Variants in ARHGEF12 observed in about 807,000 individuals in gnomAD.
The protein encoded by ARHGEF12 is KMT2A/ARHGEF12 fusion protein.
ARHGEF12 carries 66 observed loss-of-function variants against 211.2 expected under a neutral mutation model. That is an observed-to-expected ratio of 0.31 (90% CI 0.26 to 0.38). The LOEUF (loss-of-function observed/expected upper bound fraction) is 0.38. Among genes scored for constraint, ARHGEF12 ranks in the 10% least tolerant of loss-of-function variants. ARHGEF12 has a pLI of 1.00. For missense variants in ARHGEF12, 1,429 were observed against 1,869.5 expected, an observed-to-expected ratio of 0.76 and a Z score of 4.34; for synonymous variants, 592 against 638.4, an observed-to-expected ratio of 0.93 and a Z score of 1.09.
At chr11:120,469,503 C>T (rs1946805365) in intron 30 of ARHGEF12, 115 bp downstream of exon 30, 1 of 841,576 alleles carries the variant, frequency 1.2e-6, no homozygotes, top group African/African-American at 1.7e-5. Context: ...ACAGGGAGAA[C>T]ATTTGTTTAC....
Position 120,420,733 on chromosome 11 carries a change from A to T in ARHGEF12, c.200-20A>T, listed in dbSNP as rs1945159474. ...TCTGTTTTCTCTTCCTTCTTGTTTT[A>T]CACTGTGGTTCTTGTGCAGGTCTTG... On this transcript the variant is annotated intron_variant, in intron 4 of 40. Coordinates refer to ENST00000397843, the MANE Select transcript of ARHGEF12 (RefSeq NM_015313.3). 1 of 1,599,364 alleles carries T rather than the reference A, an allele frequency of 6.3e-7. No individual in the cohort carries two copies. The highest frequency in any genetic ancestry group is 1.3e-5 in the African/African-American group (1 of 74,610).
At position 120,480,036 on chromosome 11, in the gene ARHGEF12, C is replaced by T; in HGVS notation, c.3843C>T (p.Phe1281=). Residue 1281 remains phenylalanine, a synonymous_variant, in exon 38 of 41, where the codon TTC becomes TTT. Coordinates refer to ENST00000397843, the MANE Select transcript of ARHGEF12 (RefSeq NM_015313.3). ...GCGTTCAGGAAGACTGGCAACATTT[C>T]CCAAGATACAGAACAGCCTCTCAGG... ...EKSVQEDWQH[F]PRYRTASQGP... is the part of the protein sequence containing the mutation. 6.2e-7 allele frequency: 1 copy of T among 1,614,140 alleles called. No homozygotes were observed. Among genetic ancestry groups the T allele is most frequent in the Non-Finnish European group, 8.5e-7 (1 of 1,180,028 alleles).
At chr11:120,434,380 C>T (rs1000243184) in intron 11 of ARHGEF12, among the ~76,000 whole-genome samples, 8 of 152,144 alleles carry the variant, frequency 5.3e-5, no homozygotes, top group South Asian at 2.1e-4. Flanking sequence ...TGTGGAAATC[C>T]GAGTGAGAAA....
intron 22 of ARHGEF12, among the ~76,000 whole-genome samples, chr11:120,453,843 G>C (rs1946283202): frequency 6.6e-6 from 1 of 152,202 alleles, no homozygotes; most frequent in African/African-American, 2.4e-5. Flanking sequence ...TTTGGGCTCA[G>C]AGTTAGCATA....
intron 1 of ARHGEF12, among the ~76,000 whole-genome samples, chr11:120,386,368 A>C (rs755679975): frequency 6.6e-6 from 1 of 152,162 alleles, no homozygotes; most frequent in Non-Finnish European, 1.5e-5. Context: ...AATTTATGAC[A>C]TTAAAAAGCA....
intron 7 of ARHGEF12, 57 bp from the exon 8 acceptor site, chr11:120,428,012 G>T (rs1275986916): frequency 1.4e-6 from 2 of 1,429,090 alleles, no homozygotes; most frequent in Non-Finnish European, 1.9e-6. Flanking sequence ...GGTATAAAAA[G>T]TTTCTTGACA....
intron 7 of ARHGEF12, among the ~76,000 whole-genome samples, chr11:120,427,573 G>A (rs1348376694): frequency 6.6e-6 from 1 of 151,520 alleles, no homozygotes; most frequent in African/African-American, 2.4e-5. Context: ...TGTGGGGGCT[G>A]AGGAGGGAGG....
intron 1 of ARHGEF12, among the ~76,000 whole-genome samples, chr11:120,405,513 T>C (rs900274686): frequency 6.6e-6 from 1 of 152,164 alleles, no homozygotes; most frequent in African/African-American, 2.4e-5. Flanking sequence ...TTGTAACCGA[T>C]AATTACTTTA....
chr11:120,370,969 G>C (rs868727762), intron 1 of ARHGEF12, among the ~76,000 whole-genome samples: 9 of 152,038 alleles, frequency 5.9e-5, no homozygotes, highest in African/African-American at 2.2e-4. Context: ...ATGAGTCCCC[G>C]CTTCGTCCTT....
chr11:120,400,606 A>T (rs1944526645), intron 1 of ARHGEF12, among the ~76,000 whole-genome samples: 1 of 152,240 alleles, frequency 6.6e-6, no homozygotes, highest in African/African-American at 2.4e-5. Context: ...AAAAGTGATA[A>T]TTTTCCAGAT....
chr11:120,444,070 A>G (rs1249598198), intron 15 of ARHGEF12, among the ~76,000 whole-genome samples: 1 of 152,128 alleles, frequency 6.6e-6, no homozygotes, highest in Non-Finnish European at 1.5e-5. Context: ...TTATTAGGCC[A>G]GATATTTTTA....
intron 1 of ARHGEF12, among the ~76,000 whole-genome samples, chr11:120,367,383 T>TG (rs1170173903): frequency 8.0e-6 from 1 of 124,596 alleles, no homozygotes; most frequent in Non-Finnish European, 1.7e-5. Context: ...TTTTTTTTTT[T>TG]GAGGTGGAGT....
At chr11:120,448,827 A>G (rs1174743117) in intron 20 of ARHGEF12, 2 of 339,788 alleles carry the variant, frequency 5.9e-6, no homozygotes, top group Non-Finnish European at 5.3e-6. Context: ...GAATGGATGA[A>G]TGAATTGTTT....
intron 15 of ARHGEF12, 124 bp from the exon 16 acceptor site, chr11:120,445,298 C>A: frequency 1.1e-6 from 1 of 874,092 alleles, no homozygotes. Flanking sequence ...AATAAATGAG[C>A]TTGTACTTGA....
chr11:120,453,999 C>G (rs1946287099), intron 22 of ARHGEF12, among the ~76,000 whole-genome samples: 1 of 152,148 alleles, frequency 6.6e-6, no homozygotes, highest in Admixed American at 6.6e-5. Context: ...AAGAAAAAAA[C>G]AGTGCTCTTT....
intron 1 of ARHGEF12, among the ~76,000 whole-genome samples, chr11:120,400,412 A>G (rs966729069): frequency 1.3e-5 from 2 of 152,126 alleles, no homozygotes; most frequent in Non-Finnish European, 2.9e-5. Flanking sequence ...GGTGGTTTGC[A>G]TGGTGTTCAC....
intron 1 of ARHGEF12, among the ~76,000 whole-genome samples, chr11:120,404,932 G>T (rs1415167678): frequency 1.3e-5 from 2 of 152,140 alleles, no homozygotes; most frequent in African/African-American, 2.4e-5. Context: ...AAGTCAGTTT[G>T]TTCTCTAGAG....
chr11:120,342,926 A>G (rs1206902146), intron 1 of ARHGEF12, among the ~76,000 whole-genome samples: 1 of 152,020 alleles, frequency 6.6e-6, no homozygotes, highest in Non-Finnish European at 1.5e-5. Flanking sequence ...GTTGTTTCTT[A>G]TTTTTTCCAG....
At position 120,474,929 on chromosome 11, in the gene ARHGEF12, C is replaced by CGA. The variant is rs527636718; in HGVS notation, c.3109+294_3109+295insGA. ...TTTCTTTAGACCAGTACATCTTAAACTGTCTGTGATGAGGAACCGTTTTTG... is the reference window on the plus strand; with the variant it reads ...TTTCTTTAGACCAGTACATCTTAAACGATGTCTGTGATGAGGAACCGTTTTTG... On this transcript the variant is annotated intron_variant, in intron 32 of 40. Transcript: ENST00000397843. 4.1e-3 allele frequency among the ~76,000 whole-genome samples: 628 copies of CGA among 152,238 alleles called. 5 individuals are homozygous for CGA. Among genetic ancestry groups the CGA allele is most frequent in the Non-Finnish European group, 5.6e-3 (382 of 68,000 alleles).
Sources: allele counts gnomAD v4.1 joint callset (sites outside exome capture counted in the v4.1 genomes callset), GRCh38; gene constraint gnomAD v4.1.1; transcripts MANE v1.5; gene names NCBI Gene and HGNC (gene_info 2026-07-23, HGNC 2026-07-21).